Variants in DNM3 observed in about 807,000 individuals in gnomAD.
DNM3 encodes the protein dynamin 3.
Under a neutral mutation model 101.6 loss-of-function variants are expected in DNM3, and 47 were observed. That is an observed-to-expected ratio of 0.46 (90% CI 0.37 to 0.59). The LOEUF (loss-of-function observed/expected upper bound fraction) is 0.59. Ranked by LOEUF, DNM3 falls within the 20% of genes least tolerant of loss-of-function variation. The pLI is 0.00. For synonymous variants in DNM3, 385 were observed against 387.9 expected, an observed-to-expected ratio of 0.99 and a Z score of 0.09; for missense variants, 849 against 1,085.7, an observed-to-expected ratio of 0.78 and a Z score of 3.06.
At chr1:172,146,055 A>G (rs116184441) in intron 14 of DNM3, among the ~76,000 whole-genome samples, 49 of 152,332 alleles carry the variant, frequency 3.2e-4, no homozygotes, top group African/African-American at 1.2e-3. Flanking sequence ...TCTGAAGATC[A>G]AAATGTGAGA....
intron 15 of DNM3, among the ~76,000 whole-genome samples, chr1:172,261,262 T>C (rs947580386): frequency 3.3e-5 from 5 of 152,210 alleles, no homozygotes; most frequent in Non-Finnish European, 7.3e-5. Flanking sequence ...TTGTTTGAAA[T>C]TGCTTTTGAA....
intron 14 of DNM3, among the ~76,000 whole-genome samples, chr1:172,226,570 A>C (rs2061130135): frequency 6.6e-6 from 1 of 152,200 alleles, no homozygotes; most frequent in African/African-American, 2.4e-5. Flanking sequence ...TATGACCTTA[A>C]GTGTAAGTCG....
intron 4 of DNM3, among the ~76,000 whole-genome samples, chr1:171,992,661 T>A (rs1273899391): frequency 6.6e-6 from 1 of 152,214 alleles, no homozygotes; most frequent in East Asian, 1.9e-4. Context: ...CCCCAGTTTT[T>A]ATATCCTATA....
At chr1:171,940,615 T>A (rs2041748828) in intron 2 of DNM3, among the ~76,000 whole-genome samples, 1 of 152,220 alleles carries the variant, frequency 6.6e-6, no homozygotes, top group Non-Finnish European at 1.5e-5. Context: ...TTAGAAAGAA[T>A]GTATCTCTGT....
At chr1:172,314,628 G>T (rs143024120) in intron 16 of DNM3, among the ~76,000 whole-genome samples, 4 of 152,172 alleles carry the variant, frequency 2.6e-5, no homozygotes, top group Non-Finnish European at 4.4e-5. Context: ...ACGGAGTCTC[G>T]CTGATTGCTA....
intron 1 of DNM3, among the ~76,000 whole-genome samples, chr1:171,894,036 A>T (rs2037537531): frequency 1.3e-5 from 2 of 151,476 alleles, no homozygotes; most frequent in African/African-American, 4.9e-5. Flanking sequence ...GTCGGCCAGG[A>T]TGGTCTCCAT....
chr1:171,952,635 G>A (rs563411122), intron 2 of DNM3, among the ~76,000 whole-genome samples: 161 of 152,114 alleles, frequency 1.1e-3, no homozygotes, highest in African/African-American at 3.8e-3. Context: ...ATTTACAGGG[G>A]CAAATACAGT....
intron 1 of DNM3, among the ~76,000 whole-genome samples, chr1:171,846,312 A>T (rs10798702): frequency 0.61 from 92,971 of 151,974 alleles, 28,783 homozygotes; most frequent in East Asian, 0.8. Flanking sequence ...GAGCAATATA[A>T]CTAAGATAAC....
intron 15 of DNM3, among the ~76,000 whole-genome samples, chr1:172,277,619 G>T (rs2063338218): frequency 6.6e-6 from 1 of 151,906 alleles, no homozygotes; most frequent in East Asian, 1.9e-4. Context: ...ATATTAAAAA[G>T]TTGCCAGTCA....
At chr1:172,312,286 T>A (rs2065116263) in intron 16 of DNM3, among the ~76,000 whole-genome samples, 1 of 152,182 alleles carries the variant, frequency 6.6e-6, no homozygotes, top group South Asian at 2.1e-4. Context: ...TAATGAAACA[T>A]TTATGTGTCA....
At chr1:172,272,399 G>A (rs1304907236) in intron 15 of DNM3, among the ~76,000 whole-genome samples, 1 of 152,072 alleles carries the variant, frequency 6.6e-6, no homozygotes, top group Non-Finnish European at 1.5e-5. Flanking sequence ...TGATGACATA[G>A]CAGTGAAGGC....
Position 172,409,348 on chromosome 1 carries a change from C to T in DNM3, c.*1507C>T. On this transcript the variant is annotated 3_prime_UTR_variant, in exon 21 of 21. Coordinates refer to ENST00000627582, the MANE Select transcript of DNM3 (RefSeq NM_015569.5). ...TTTAATTTCCTGTGTAGTTTACACC[C>T]AGAGCAGATACTCATAAAGTATAAA... The T allele has an allele frequency of 1.0e-6, 1 of 985,102 alleles. No homozygotes were observed. The highest frequency in any genetic ancestry group is 1.2e-6 in the Non-Finnish European group (1 of 829,680). The allele number at this position is 985,102 out of a possible 1,614,324, so 61.0% of individuals were successfully genotyped here.
At chr1:172,377,571 T>TATATATATAC (rs1553248801) in intron 17 of DNM3, among the ~76,000 whole-genome samples, 1 of 146,024 alleles carries the variant, frequency 6.8e-6, no homozygotes, top group African/African-American at 2.5e-5. Flanking sequence ...TATATATATA[T>TATATATATAC]ATATATATAT....
intron 8 of DNM3, among the ~76,000 whole-genome samples, chr1:172,042,884 T>C (rs984147829): frequency 6.6e-6 from 1 of 152,122 alleles, no homozygotes; most frequent in Non-Finnish European, 1.5e-5. Context: ...ACTTGATTTG[T>C]TGATGATTTT....
At chr1:172,087,415 T>C (rs926029370) in intron 12 of DNM3, among the ~76,000 whole-genome samples, 2 of 152,176 alleles carry the variant, frequency 1.3e-5, no homozygotes, top group Non-Finnish European at 2.9e-5. Flanking sequence ...AGATCTTCAT[T>C]TCAAGACTTT....
chr1:172,337,923 T>G (rs1157473215), intron 17 of DNM3, among the ~76,000 whole-genome samples: 2 of 146,010 alleles, frequency 1.4e-5, no homozygotes, highest in Non-Finnish European at 3.0e-5. Flanking sequence ...TTTATTTTAT[T>G]TTATTATTTT....
intron 14 of DNM3, among the ~76,000 whole-genome samples, chr1:172,243,048 T>C (rs2061808058): frequency 6.6e-6 from 1 of 152,150 alleles, no homozygotes; most frequent in African/African-American, 2.4e-5. Flanking sequence ...TATTATAATA[T>C]CATAGTAGGT....
At chr1:171,939,646 G>T (rs2041683549) in intron 2 of DNM3, among the ~76,000 whole-genome samples, 1 of 152,152 alleles carries the variant, frequency 6.6e-6, no homozygotes, top group Non-Finnish European at 1.5e-5. Context: ...TCTTGAAATA[G>T]TTGATATTGA....
At chr1:171,913,986 T>C (rs10798742) in intron 1 of DNM3, among the ~76,000 whole-genome samples, 51,148 of 151,506 alleles carry the variant, frequency 0.34, 8,973 homozygotes, top group East Asian at 0.5. Context: ...AAGGGAGTCT[T>C]GTCATGTTGC....
Sources: allele counts gnomAD v4.1 joint callset (sites outside exome capture counted in the v4.1 genomes callset), GRCh38; gene constraint gnomAD v4.1.1; transcripts MANE v1.5; gene names NCBI Gene and HGNC (gene_info 2026-07-23, HGNC 2026-07-21).